BMPR1B: variants seen among roughly 807,000 people sequenced by gnomAD.
BMPR1B encodes bone morphogenetic protein receptor type-1B.
Under a neutral mutation model 59.1 loss-of-function variants are expected in BMPR1B, and 12 were observed. That is an observed-to-expected ratio of 0.20 (90% CI 0.13 to 0.33). The LOEUF (loss-of-function observed/expected upper bound fraction) is 0.33, where lower values mean the gene tolerates loss of function less well. Ranked by LOEUF, BMPR1B falls within the 10% of genes least tolerant of loss-of-function variation. BMPR1B has a pLI of 1.00. For synonymous variants in BMPR1B, 237 were observed against 207.3 expected (o/e 1.14, Z -1.23); for missense variants, 550 against 610.9 (o/e 0.90, Z 1.05).
rs3775034 is a variant in BMPR1B at position 94,984,671 on chromosome 4, A to T, written c.-112-11369A>T. Among the ~76,000 whole-genome samples the T allele has an allele frequency of 4.6e-5, 7 of 152,196 alleles. No individual in the cohort carries two copies. The East Asian group carries it at 5.8e-4, about 13-fold the overall frequency. ...TTAAAAATTACACAGGTAATTAAAC[A>T]GAGAAAGAAAAATTGGTGTTCAGGA... On this transcript the variant is annotated intron_variant, in intron 2 of 12. Coordinates refer to ENST00000515059, the MANE Select transcript of BMPR1B (RefSeq NM_001203.3).
At chr4:94,999,280 A>G (rs1384172184) in intron 3 of BMPR1B, among the ~76,000 whole-genome samples, 3 of 152,100 alleles carry the variant, frequency 2.0e-5, no homozygotes, top group Non-Finnish European at 2.9e-5. Flanking sequence ...TTTTAAACAT[A>G]ATTTTCTTTA....
At chr4:95,150,102 G>A (rs937653527) in intron 11 of BMPR1B, among the ~76,000 whole-genome samples, 1 of 152,152 alleles carries the variant, frequency 6.6e-6, no homozygotes, top group African/African-American at 2.4e-5. Context: ...ATCATTATCA[G>A]TGGCACAGTG....
rs1161235160 is a variant in BMPR1B at position 95,125,182 on chromosome 4, TATGGGGTTTC to T, written c.585+63_585+72del. 3.8e-6 allele frequency: 6 copies of T among 1,598,340 alleles called. No homozygotes were observed. The Admixed American group carries it at 1.0e-4, about 27-fold the overall frequency. On this transcript the variant is annotated intron_variant, in intron 8 of 12. Coordinates refer to ENST00000515059, the MANE Select transcript of BMPR1B (RefSeq NM_001203.3). Reference sequence around the variant, plus strand: ...GTTTTCTGAAAGAACTGTCAATGAATATGGGGTTTCACTTACTGAAATAGGGCACTGGACA... The same window carrying T: ...GTTTTCTGAAAGAACTGTCAATGAATACTTACTGAAATAGGGCACTGGACA...
chr4:95,086,347 T>C (rs1483106131), intron 3 of BMPR1B, among the ~76,000 whole-genome samples: 1 of 152,232 alleles, frequency 6.6e-6, no homozygotes, highest in Non-Finnish European at 1.5e-5. Flanking sequence ...GCCATCTTTC[T>C]GTGCCAGGCT....
intron 10 of BMPR1B, among the ~76,000 whole-genome samples, chr4:95,143,959 A>C (rs1734439289): frequency 6.6e-6 from 1 of 152,014 alleles, no homozygotes. Context: ...ATTGTGATGG[A>C]AGATAGTACA....
At chr4:94,990,400 T>C (rs1340908123) in intron 2 of BMPR1B, among the ~76,000 whole-genome samples, 1 of 152,172 alleles carries the variant, frequency 6.6e-6, no homozygotes, top group East Asian at 1.9e-4. Context: ...AAAACTTGTT[T>C]ATAGCAGCAT....
chr4:94,908,385 C>G (rs748094195), intron 2 of BMPR1B, among the ~76,000 whole-genome samples: 7 of 151,078 alleles, frequency 4.6e-5, no homozygotes, highest in Admixed American at 1.3e-4. Context: ...ACCTGTCCTT[C>G]TTAAACTTTA....
chr4:94,769,990 C>T (rs1009938823), intron 1 of BMPR1B, among the ~76,000 whole-genome samples: 2 of 152,130 alleles, frequency 1.3e-5, no homozygotes, highest in Non-Finnish European at 2.9e-5. Flanking sequence ...GCAGCATTTC[C>T]TTAGCACTCT....
At position 95,102,208 on chromosome 4, in the gene BMPR1B, T is replaced by A. The variant is rs1730875561; in HGVS notation, c.-17-2200T>A. On this transcript the variant is annotated intron_variant, in intron 3 of 12. Transcript: ENST00000515059. The stretch of plus-strand genomic sequence containing the variant: ...TAAATAAATTCACAATGTGACAAAA[T>A]CATGAATTGTCTCTTAAAATGTTTC... 2.0e-5 allele frequency among the ~76,000 whole-genome samples: 3 copies of A among 152,216 alleles called. No individual in the cohort carries two copies. The South Asian group carries it at 6.2e-4, about 31-fold the overall frequency.
Position 95,125,071 on chromosome 4 carries a change from T to C in BMPR1B, c.535T>C (p.Leu179=), listed in dbSNP as rs760548554. The C allele has an allele frequency of 3.7e-6, 6 of 1,613,864 alleles. No homozygotes were observed. The Admixed American group carries it at 1.0e-4, about 27-fold the overall frequency. Reference sequence around the variant, plus strand: ...TCCTCCTGGAGAATCCCTGAGAGACTTAATTGAGCAGTCTCAGAGCTCAGG... The same window carrying C: ...TCCTCCTGGAGAATCCCTGAGAGACCTAATTGAGCAGTCTCAGAGCTCAGG... ...YIPPGESLRD[L]IEQSQSSGSG... Residue 179 remains leucine (L), a synonymous_variant, in exon 8 of 13, where the codon TTA becomes CTA. Transcript: ENST00000515059.
intron 1 of BMPR1B, among the ~76,000 whole-genome samples, chr4:94,849,041 A>T (rs1466408119): frequency 6.6e-6 from 1 of 152,196 alleles, no homozygotes. Context: ...GGCTGGCTCC[A>T]GATAAAAGTT....
chr4:94,887,763 A>G (rs896251764), intron 2 of BMPR1B, among the ~76,000 whole-genome samples: 6 of 152,088 alleles, frequency 3.9e-5, no homozygotes, highest in Admixed American at 6.6e-5. Flanking sequence ...GAAGACTGGC[A>G]ATAAAGGAAT....
At chr4:94,791,020 C>G (rs1722966650) in intron 1 of BMPR1B, among the ~76,000 whole-genome samples, 1 of 151,972 alleles carries the variant, frequency 6.6e-6, no homozygotes, top group Admixed American at 6.6e-5. Context: ...TGGAGTCTTG[C>G]TCTGTTACCT....
chr4:95,082,461 G>A (rs1729233481), intron 3 of BMPR1B, among the ~76,000 whole-genome samples: 1 of 152,014 alleles, frequency 6.6e-6, no homozygotes. Context: ...TTTGTAAAAT[G>A]AGAGTAGTAA....
rs1308089124 is a variant in BMPR1B at position 94,974,402 on chromosome 4, C to CT, written c.-112-21637dup. ...TGCTGAATCTTATCAGCTACCTTTA[C>CT]TGACTCCCTGCAGCCCTTGTCAGAC... On this transcript the variant is annotated intron_variant, in intron 2 of 12. Coordinates refer to ENST00000515059, the MANE Select transcript of BMPR1B (RefSeq NM_001203.3). Among the ~76,000 whole-genome samples, 44 of 152,050 alleles carry CT rather than the reference C, an allele frequency of 2.9e-4. 1 individual carries two copies. The highest frequency in any genetic ancestry group is 7.4e-5 in the Non-Finnish European group (5 of 68,026).
At chr4:94,777,338 C>T (rs192764055) in intron 1 of BMPR1B, among the ~76,000 whole-genome samples, 2 of 151,886 alleles carry the variant, frequency 1.3e-5, no homozygotes, top group Non-Finnish European at 2.9e-5. Context: ...TAGGTGAGAA[C>T]CTGCTTCATG....
chr4:94,968,714 C>G (rs1052328014), intron 2 of BMPR1B, among the ~76,000 whole-genome samples: 9 of 152,272 alleles, frequency 5.9e-5, no homozygotes, highest in Admixed American at 5.9e-4. Flanking sequence ...CTGTAACATA[C>G]TGACTCAATG....
At chr4:94,922,340 T>A (rs1373652) in intron 2 of BMPR1B, among the ~76,000 whole-genome samples, 27,413 of 151,770 alleles carry the variant, frequency 0.18, 2,651 homozygotes, top group South Asian at 0.23. Flanking sequence ...CGTGTGTGTA[T>A]GAGAGAGAGA....
At chr4:94,840,039 A>G (rs1724992415) in intron 1 of BMPR1B, among the ~76,000 whole-genome samples, 1 of 151,902 alleles carries the variant, frequency 6.6e-6, no homozygotes, top group Admixed American at 6.5e-5. Flanking sequence ...TTGGCTGGAT[A>G]TGAAATTCTG....
Sources: gnomAD v4.1 joint callset for allele counts (sites outside exome capture counted in the v4.1 genomes callset) on GRCh38, gnomAD v4.1.1 for gene constraint, MANE v1.5 for transcripts, NCBI Gene and HGNC (gene_info 2026-07-23, HGNC 2026-07-21) for gene names.